Variants in DCUN1D1 observed in about 807,000 individuals in gnomAD.
DCUN1D1 encodes the protein defective in cullin neddylation 1 domain containing 1, also known as DCN1-like protein 1.
DCUN1D1 carries 3 observed loss-of-function variants against 39.0 expected under a neutral mutation model. The observed-to-expected ratio is 0.08, with a 90% CI of 0.04 to 0.20. The LOEUF is 0.20. Ranked by LOEUF, DCUN1D1 falls within the 10% of genes least tolerant of loss-of-function variation. DCUN1D1 has a pLI of 1.00. For missense variants in DCUN1D1, 158 were observed against 302.4 expected (o/e 0.52, Z 3.54); for synonymous variants, 82 against 96.3 (o/e 0.85, Z 0.87).
chr3:182,980,642 C>G (rs1412232367), upstream of DCUN1D1: 8 of 970,386 alleles, frequency 8.2e-6, no homozygotes, highest in Non-Finnish European at 9.9e-6. Context: ...CCCCGGACCT[C>G]GGGGAGGCGG....
intron 6 of DCUN1D1, among the ~76,000 whole-genome samples, chr3:182,946,751 G>T (rs1173451658): frequency 6.6e-6 from 1 of 152,026 alleles, no homozygotes; most frequent in Non-Finnish European, 1.5e-5. Context: ...TGCTGAGTAG[G>T]AATTGAAGGA....
chr3:182,964,564 T>A (rs1727568032), intron 2 of DCUN1D1, among the ~76,000 whole-genome samples: 1 of 151,892 alleles, frequency 6.6e-6, no homozygotes, highest in Non-Finnish European at 1.5e-5. Flanking sequence ...GAGGCAAAAA[T>A]TTTAAATAAC....
chr3:182,980,443 C>A, intron 1 of DCUN1D1, 44 bp downstream of exon 1: 1 of 1,084,764 alleles, frequency 9.2e-7, no homozygotes, highest in Non-Finnish European at 1.1e-6. Context: ...GCGGCAGCGC[C>A]GGCCCCCAGC....
At chr3:182,971,384 G>A (rs1160228654) in intron 1 of DCUN1D1, among the ~76,000 whole-genome samples, 3 of 152,030 alleles carry the variant, frequency 2.0e-5, no homozygotes, top group Non-Finnish European at 4.4e-5. Flanking sequence ...GGGCAGCACA[G>A]GAAGACCTCA....
chr3:182,983,286 C>T (rs555394735), upstream of DCUN1D1, among the ~76,000 whole-genome samples: 1 of 152,330 alleles, frequency 6.6e-6, no homozygotes, highest in East Asian at 1.9e-4. Flanking sequence ...ATGACACATA[C>T]TAATTTATGT....
chr3:182,959,512 A>AAC (rs11447362), intron 4 of DCUN1D1, among the ~76,000 whole-genome samples: 3 of 147,640 alleles, frequency 2.0e-5, no homozygotes, highest in Non-Finnish European at 4.4e-5. Context: ...AAAAAAAAAA[A>AAC]AAAAAAAAAA....
At chr3:182,951,646 A>AAAC (rs1726754154) in intron 4 of DCUN1D1, among the ~76,000 whole-genome samples, 2 of 123,186 alleles carry the variant, frequency 1.6e-5, no homozygotes, top group African/African-American at 2.9e-5. Flanking sequence ...AAAAAAAAAA[A>AAAC]CCACCACACA....
chr3:182,972,822 C>G (rs747453690), intron 1 of DCUN1D1, among the ~76,000 whole-genome samples: 1 of 152,144 alleles, frequency 6.6e-6, no homozygotes, highest in Admixed American at 6.5e-5. Flanking sequence ...GGGGGCGGAT[C>G]ACCTGAGGTT....
At chr3:182,954,836 T>C (rs753301422) in intron 4 of DCUN1D1, among the ~76,000 whole-genome samples, 2 of 152,200 alleles carry the variant, frequency 1.3e-5, no homozygotes, top group Non-Finnish European at 2.9e-5. Flanking sequence ...ATTTTATTTT[T>C]ACATGAGGTG....
At chr3:182,967,776 A>T (rs1290046976) in intron 1 of DCUN1D1, among the ~76,000 whole-genome samples, 1 of 152,264 alleles carries the variant, frequency 6.6e-6, no homozygotes, top group East Asian at 1.9e-4. Context: ...CAATGACAAC[A>T]AACTCACAAT....
chr3:182,969,688 T>C (rs1007297843), intron 1 of DCUN1D1, among the ~76,000 whole-genome samples: 2 of 152,178 alleles, frequency 1.3e-5, no homozygotes, highest in African/African-American at 4.8e-5. Context: ...GCAATAGTTG[T>C]AAGGCTGTAA....
chr3:182,957,463 CA>C (rs1342825645), intron 4 of DCUN1D1, among the ~76,000 whole-genome samples: 1 of 151,930 alleles, frequency 6.6e-6, no homozygotes, highest in South Asian at 2.1e-4. Flanking sequence ...CTTATCTCTA[CA>C]AAAAATGTAA....
intron 6 of DCUN1D1, among the ~76,000 whole-genome samples, chr3:182,946,324 G>A (rs1168296545): frequency 6.6e-6 from 1 of 152,046 alleles, no homozygotes; most frequent in Non-Finnish European, 1.5e-5. Flanking sequence ...TCGGGAGACC[G>A]AGGCGGGTGG....
intron 4 of DCUN1D1, chr3:182,956,156 G>A (rs1312681566): frequency 9.2e-6 from 2 of 217,626 alleles, no homozygotes; most frequent in Non-Finnish European, 1.9e-5. Context: ...TCGAACGCCT[G>A]ACCACAAGTG....
At chr3:182,974,741 G>A (rs1728125413) in intron 1 of DCUN1D1, among the ~76,000 whole-genome samples, 1 of 146,422 alleles carries the variant, frequency 6.8e-6, no homozygotes, top group African/African-American at 2.5e-5. Flanking sequence ...TGTGTTGAGT[G>A]ATTCAAAAGT....
chr3:182,956,438 GGCCTGA>G (rs1194919769), intron 4 of DCUN1D1: 1 of 172,276 alleles, frequency 5.8e-6, no homozygotes, highest in African/African-American at 2.4e-5. Context: ...GGAGTCATAA[GGCCTGA>G]GATCTAGTCT....
At position 182,943,252 on chromosome 3, in the gene DCUN1D1, T is replaced by C. The variant is rs1239797897; in HGVS notation, c.*1842A>G. 1 of 148,544 alleles carries C rather than the reference T, an allele frequency of 6.7e-6. No homozygotes were observed. Among genetic ancestry groups the C allele is most frequent in the Non-Finnish European group, 1.5e-5 (1 of 66,978 alleles). 9.2% of individuals were successfully genotyped at this position (148,544 alleles called of 1,614,324 possible). On this transcript the variant is annotated 3_prime_UTR_variant, in exon 7 of 7. Coordinates refer to ENST00000292782, the MANE Select transcript of DCUN1D1 (RefSeq NM_020640.4). ...AAAACAGTACATATATATAGATATATAGATATATATATCTTTTAAAAATTT... is the reference window on the plus strand; with the variant it reads ...AAAACAGTACATATATATAGATATACAGATATATATATCTTTTAAAAATTT...
At chr3:182,966,588 C>G (rs1727680027) in intron 1 of DCUN1D1, among the ~76,000 whole-genome samples, 1 of 152,028 alleles carries the variant, frequency 6.6e-6, no homozygotes, top group African/African-American at 2.4e-5. Context: ...TCTCATCTGA[C>G]CTAAACCCAC....
At chr3:182,980,381 G>T in intron 1 of DCUN1D1, 106 bp downstream of exon 1, 1 of 861,470 alleles carries the variant, frequency 1.2e-6, no homozygotes, top group Non-Finnish European at 1.4e-6. Context: ...GCGGGCCGAG[G>T]CTCGGGGCTG....
Sources: allele counts gnomAD v4.1 joint callset (sites outside exome capture counted in the v4.1 genomes callset), GRCh38; gene constraint gnomAD v4.1.1; transcripts MANE v1.5; gene names NCBI Gene and HGNC (gene_info 2026-07-23, HGNC 2026-07-21).